Variants in NBAS observed in about 807,000 individuals in gnomAD.
NBAS encodes NBAS subunit of NRZ tethering complex, also known as NAG/BC035112 fusion.
A neutral mutation model predicts 302.5 loss-of-function variants in NBAS; 219 were observed. The observed-to-expected ratio is 0.72, with a 90% confidence interval of 0.65 to 0.81. NBAS has a LOEUF of 0.81. NBAS is among the 30% of genes least tolerant of loss of function. The probability of loss-of-function intolerance (pLI) is 0.00; values close to 1 mark genes in which losing one functional copy is unlikely to be tolerated. For missense variants in NBAS, 2,932 were observed against 2,841.6 expected (o/e 1.03, Z -0.72); for synonymous variants, 1,118 against 1,021.6 (o/e 1.09, Z -1.80).
Position 15,200,414 on chromosome 2 carries a change from AT to A in NBAS, c.6433-10012del, listed in dbSNP as rs57658588. Among the ~76,000 whole-genome samples the A allele has an allele frequency of 6.4e-3, 971 of 151,166 alleles. 14 individuals are homozygous for A. Among genetic ancestry groups the A allele is most frequent in the African/African-American group, 0.022 (914 of 40,972 alleles). On this transcript the variant is annotated intron_variant, in intron 48 of 51. Coordinates refer to ENST00000281513, the MANE Select transcript of NBAS (RefSeq NM_015909.4). Reference sequence around the variant, plus strand: ...TTAGTGAAAATAAACAAAATAAACTATTTTTTTTTACTACATTTTCTTTTAC... The same window carrying A: ...TTAGTGAAAATAAACAAAATAAACTATTTTTTTTACTACATTTTCTTTTAC...
intron 48 of NBAS, among the ~76,000 whole-genome samples, chr2:15,211,011 T>G (rs528254136): frequency 6.6e-6 from 1 of 151,982 alleles, no homozygotes; most frequent in Admixed American, 6.6e-5. Flanking sequence ...AAGTGGATGA[T>G]TAATAGGTAG....
chr2:14,905,119 G>T, the NBAS span, among the ~76,000 whole-genome samples: 1 of 152,192 alleles, frequency 6.6e-6, no homozygotes, highest in Non-Finnish European at 1.5e-5. Context: ...AGATTGGATG[G>T]TGCCCACCCA....
chr2:15,442,457 G>C (rs2148517419), intron 21 of NBAS, among the ~76,000 whole-genome samples: 1 of 148,414 alleles, frequency 6.7e-6, no homozygotes, highest in East Asian at 2.2e-4. Flanking sequence ...AAACCAACAA[G>C]AACAAAGACA....
At chr2:14,798,213 G>A in the NBAS span, among the ~76,000 whole-genome samples, 1 of 152,180 alleles carries the variant, frequency 6.6e-6, no homozygotes, top group Admixed American at 6.5e-5. Context: ...TAGGTTTGAT[G>A]TTACTTAAAG....
chr2:15,410,048 C>A (rs1676607281), intron 25 of NBAS, among the ~76,000 whole-genome samples: 1 of 152,212 alleles, frequency 6.6e-6, no homozygotes, highest in South Asian at 2.1e-4. Flanking sequence ...ACATTCCCCA[C>A]TCCCCTAGAA....
At chr2:15,454,443 C>A (rs1464321607) in intron 21 of NBAS, among the ~76,000 whole-genome samples, 5 of 151,944 alleles carry the variant, frequency 3.3e-5, no homozygotes, top group Non-Finnish European at 7.4e-5. Context: ...CTGTAGTTAG[C>A]TCACAGTACT....
At chr2:14,988,834 T>A in the NBAS span, among the ~76,000 whole-genome samples, 1 of 152,188 alleles carries the variant, frequency 6.6e-6, no homozygotes, top group Non-Finnish European at 1.5e-5. Context: ...CTAGTACTTG[T>A]GAAATTTGCA....
At chr2:15,009,709 T>C in the NBAS span, among the ~76,000 whole-genome samples, 1 of 148,458 alleles carries the variant, frequency 6.7e-6, no homozygotes, top group Non-Finnish European at 1.5e-5. Flanking sequence ...TATATATATA[T>C]ATATATATAT....
intron 32 of NBAS, among the ~76,000 whole-genome samples, chr2:15,357,996 T>C (rs1395130122): frequency 6.6e-6 from 1 of 152,166 alleles, no homozygotes; most frequent in African/African-American, 2.4e-5. Flanking sequence ...GGAAATGGAC[T>C]TAAGAAAATC....
the NBAS span, among the ~76,000 whole-genome samples, chr2:14,813,930 G>A: frequency 6.6e-6 from 1 of 152,220 alleles, no homozygotes; most frequent in Non-Finnish European, 1.5e-5. Flanking sequence ...ACTGTTCGAA[G>A]CAGCCTTGAG....
chr2:14,895,603 G>A, the NBAS span, among the ~76,000 whole-genome samples: 1 of 152,132 alleles, frequency 6.6e-6, no homozygotes, highest in African/African-American at 2.4e-5. Flanking sequence ...GCCGGGTGTG[G>A]TAGCGGGCGC....
At chr2:15,041,198 G>A in the NBAS span, among the ~76,000 whole-genome samples, 1 of 152,168 alleles carries the variant, frequency 6.6e-6, no homozygotes, top group South Asian at 2.1e-4. Context: ...GGGAGTTTTG[G>A]TCCACATTTA....
At position 15,534,635 on chromosome 2, in the gene NBAS, T is replaced by G; in HGVS notation, c.654A>C (p.Gly218=). Residue 218 remains glycine (G), a synonymous_variant, in exon 9 of 52, where the codon GGA becomes GGC. Transcript: ENST00000281513. ...GACTTTCTTGGTAGCTCTGATTTGT[T>G]CCAACACTAAATTTAAGAGGGTATG... ...GELRSYLVSV[G]TNQSYQESHC... 1 of 1,611,830 alleles carries G rather than the reference T, an allele frequency of 6.2e-7. No homozygotes were observed. The highest frequency in any genetic ancestry group is 2.2e-5 in the East Asian group (1 of 44,816).
chr2:14,829,246 T>C, the NBAS span, among the ~76,000 whole-genome samples: 2 of 152,240 alleles, frequency 1.3e-5, no homozygotes, highest in East Asian at 3.9e-4. Context: ...ATGTGCTTCA[T>C]GACTGCTTTG....
At chr2:15,286,916 G>GT (rs1420216645) in intron 42 of NBAS, among the ~76,000 whole-genome samples, 157 bp downstream of exon 42, 1 of 152,160 alleles carries the variant, frequency 6.6e-6, no homozygotes, top group Non-Finnish European at 1.5e-5. Context: ...TGGTAAAGGT[G>GT]TATCAAAGAT....
At chr2:15,072,098 T>C in the NBAS span, among the ~76,000 whole-genome samples, 44 of 152,346 alleles carry the variant, frequency 2.9e-4, no homozygotes, top group African/African-American at 1.0e-3. Flanking sequence ...ATTTTAAGGC[T>C]CTGGAGATAT....
intron 41 of NBAS, among the ~76,000 whole-genome samples, chr2:15,290,096 GGGAGAGA>G (rs1436899127): frequency 4.0e-5 from 6 of 149,930 alleles, no homozygotes; most frequent in Non-Finnish European, 7.4e-5. Context: ...GAGGGGAGAG[GGGAGAGA>G]GGAGAGGGGA....
At chr2:15,418,284 T>A (rs1677044218) in intron 23 of NBAS, among the ~76,000 whole-genome samples, 1 of 152,214 alleles carries the variant, frequency 6.6e-6, no homozygotes, top group Non-Finnish European at 1.5e-5. Context: ...AAACACAGAC[T>A]GATATTCCTG....
the NBAS span, among the ~76,000 whole-genome samples, chr2:15,137,661 G>C: frequency 2.0e-5 from 3 of 152,120 alleles, no homozygotes; most frequent in Non-Finnish European, 4.4e-5. Flanking sequence ...TATAACAAAA[G>C]AGCCTCTCAA....
Sources: gnomAD v4.1 joint callset for allele counts (sites outside exome capture counted in the v4.1 genomes callset) on GRCh38, gnomAD v4.1.1 for gene constraint, MANE v1.5 for transcripts, NCBI Gene and HGNC (gene_info 2026-07-23, HGNC 2026-07-21) for gene names.